Variants in PAPPA2 observed in about 807,000 individuals in gnomAD.
PAPPA2 encodes pappalysin 2, also known as pappalysin-2.
PAPPA2 carries 86 observed loss-of-function variants against 176.4 expected under a neutral mutation model. The observed-to-expected ratio is 0.49, with a 90% CI of 0.41 to 0.58. The LOEUF is 0.58. Ranked by LOEUF, PAPPA2 falls within the 20% of genes least tolerant of loss-of-function variation. PAPPA2 has a pLI of 0.00. For missense variants in PAPPA2, 2,073 were observed against 2,256.9 expected (o/e 0.92, Z 1.65); for synonymous variants, 809 against 852.2 (o/e 0.95, Z 0.88).
chr1:176,790,042 A>G (rs1665108417), intron 18 of PAPPA2, 65 bp downstream of exon 18: 4 of 1,533,012 alleles, frequency 2.6e-6, no homozygotes, highest in Non-Finnish European at 3.6e-6. Context: ...CCAATCCAAG[A>G]AATTTGAGAA....
intron 17 of PAPPA2, among the ~76,000 whole-genome samples, chr1:176,784,192 A>G (rs1350275741): frequency 6.6e-6 from 1 of 152,146 alleles, no homozygotes; most frequent in Non-Finnish European, 1.5e-5. Context: ...ATGTTTTGGA[A>G]TCTCTATCCT....
intron 10 of PAPPA2, among the ~76,000 whole-genome samples, chr1:176,707,854 A>G (rs1395575301): frequency 6.6e-6 from 1 of 152,050 alleles, no homozygotes; most frequent in African/African-American, 2.4e-5. Flanking sequence ...ATACCTCTCC[A>G]TTATTCTCCT....
intron 12 of PAPPA2, among the ~76,000 whole-genome samples, chr1:176,734,664 A>C (rs1662314847): frequency 6.6e-6 from 1 of 152,074 alleles, no homozygotes; most frequent in South Asian, 2.1e-4. Flanking sequence ...ATCCCTTGAA[A>C]CTTTGATTAT....
intron 1 of PAPPA2, among the ~76,000 whole-genome samples, chr1:176,489,744 C>T (rs1652808873): frequency 6.6e-6 from 1 of 152,190 alleles, no homozygotes; most frequent in East Asian, 1.9e-4. Context: ...TGGACAAGCT[C>T]AGGTCCATTG....
intron 3 of PAPPA2, among the ~76,000 whole-genome samples, chr1:176,623,584 T>TTCCTTCCTTCCC (rs1655727004): frequency 1.4e-5 from 1 of 71,558 alleles, no homozygotes; most frequent in African/African-American, 3.7e-5. Flanking sequence ...CCCTCCTTCC[T>TTCCTTCCTTCCC]TCCTTCCTTC....
chr1:176,689,852 A>G (rs1162196507), intron 4 of PAPPA2, among the ~76,000 whole-genome samples: 1 of 152,172 alleles, frequency 6.6e-6, no homozygotes, highest in Admixed American at 6.5e-5. Context: ...GGTGATTTTA[A>G]TATGCATACA....
chr1:176,830,839 GCCTGGCAATGAGT>G (rs1667054935), intron 21 of PAPPA2, among the ~76,000 whole-genome samples: 1 of 152,210 alleles, frequency 6.6e-6, no homozygotes, highest in Non-Finnish European at 1.5e-5. Flanking sequence ...TACTATGGAA[GCCTGGCAATGAGT>G]CCACCTGATG....
Position 176,752,266 on chromosome 1 carries a change from G to A in PAPPA2, c.4151+12070G>A, listed in dbSNP as rs1322198328. Among the ~76,000 whole-genome samples the A allele has an allele frequency of 1.6e-4, 20 of 124,940 alleles. 1 individual carries two copies. Among genetic ancestry groups the A allele is most frequent in the African/African-American group, 4.4e-4 (14 of 32,140 alleles). 82.0% of individuals were successfully genotyped at this position (124,940 alleles called of 152,430 possible). On this transcript the variant is annotated intron_variant, in intron 14 of 22. Transcript: ENST00000367662. ...TAGATGACACGTTAGTGGGTGCAGCGCACCAGCATGGCACATGTATACATA... is the reference window on the plus strand; with the variant it reads ...TAGATGACACGTTAGTGGGTGCAGCACACCAGCATGGCACATGTATACATA...
chr1:176,674,950 A>AT (rs1462883107), intron 4 of PAPPA2, among the ~76,000 whole-genome samples: 1 of 151,626 alleles, frequency 6.6e-6, no homozygotes, highest in East Asian at 1.9e-4. Flanking sequence ...TTATTTTTTG[A>AT]TTTTTTAAAA....
At chr1:176,755,417 G>C (rs1663367540) in intron 14 of PAPPA2, among the ~76,000 whole-genome samples, 1 of 152,158 alleles carries the variant, frequency 6.6e-6, no homozygotes, top group South Asian at 2.1e-4. Flanking sequence ...ACTGTTCTAG[G>C]AGTGACACAG....
At position 176,845,148 on chromosome 1, in the gene PAPPA2, A is replaced by T. The variant is rs1197203154; in HGVS notation, c.*2694A>T. 1 of 152,106 alleles carries T rather than the reference A, an allele frequency of 6.6e-6. No individual in the cohort carries two copies. Among genetic ancestry groups the T allele is most frequent in the Non-Finnish European group, 1.5e-5 (1 of 68,024 alleles). The allele number at this position is 152,106 out of a possible 1,614,324, so 9.4% of individuals were successfully genotyped here. On this transcript the variant is annotated 3_prime_UTR_variant, in exon 23 of 23. Transcript: ENST00000367662. ...TCCCAGCAACATCAACTCACACTCA[A>T]TCCATGTGGTGGTCCACATTCTGCT...
intron 4 of PAPPA2, among the ~76,000 whole-genome samples, chr1:176,676,417 G>T (rs1659300399): frequency 6.6e-6 from 1 of 151,490 alleles, no homozygotes; most frequent in Non-Finnish European, 1.5e-5. Context: ...ATTAATGCAT[G>T]CACCAACTTG....
chr1:176,710,457 T>C (rs375617651), intron 11 of PAPPA2, among the ~76,000 whole-genome samples: 6 of 152,210 alleles, frequency 3.9e-5, no homozygotes, highest in African/African-American at 9.6e-5. Context: ...AAATAAGCTT[T>C]AAAATATGTA....
At chr1:176,638,577 A>G (rs187034026) in intron 3 of PAPPA2, among the ~76,000 whole-genome samples, 20 of 152,150 alleles carry the variant, frequency 1.3e-4, no homozygotes, top group African/African-American at 4.8e-4. Flanking sequence ...ATTCTCAGGA[A>G]AGAGGGAAGA....
intron 12 of PAPPA2, among the ~76,000 whole-genome samples, chr1:176,731,466 A>AT (rs1246652537): frequency 5.9e-5 from 9 of 151,314 alleles, no homozygotes; most frequent in Non-Finnish European, 1.0e-4. Context: ...TGCCCAGCTA[A>AT]TTTTTTTTCT....
chr1:176,486,915 G>T (rs1359465428), intron 1 of PAPPA2, among the ~76,000 whole-genome samples: 1 of 151,186 alleles, frequency 6.6e-6, no homozygotes, highest in African/African-American at 2.4e-5. Context: ...AGGAGCTAAT[G>T]TGAGAGGGGG....
intron 17 of PAPPA2, 115 bp from the exon 18 acceptor site, chr1:176,789,694 A>G (rs2102936293): frequency 8.6e-7 from 1 of 1,163,024 alleles, no homozygotes; most frequent in South Asian, 1.4e-5. Context: ...ATGGCTCACA[A>G]GAACCATCTG....
chr1:176,796,675 CT>C, intron 20 of PAPPA2, among the ~76,000 whole-genome samples: 1 of 139,124 alleles, frequency 7.2e-6, no homozygotes, highest in Admixed American at 7.2e-5. Flanking sequence ...CTTTCTTTCT[CT>C]TTTTCTTTTT....
At chr1:176,816,766 A>G (rs1339530229) in intron 21 of PAPPA2, among the ~76,000 whole-genome samples, 2 of 152,122 alleles carry the variant, frequency 1.3e-5, no homozygotes, top group Non-Finnish European at 1.5e-5. Flanking sequence ...TATTACTACT[A>G]ACTACTTCCT....
Sources: gnomAD v4.1 joint callset for allele counts (sites outside exome capture counted in the v4.1 genomes callset) on GRCh38, gnomAD v4.1.1 for gene constraint, MANE v1.5 for transcripts, NCBI Gene and HGNC (gene_info 2026-07-23, HGNC 2026-07-21) for gene names.